Variants in MMP26 observed in about 807,000 individuals in gnomAD.
MMP26 encodes the protein matrix metalloproteinase-26.
Under a neutral mutation model 31.0 loss-of-function variants are expected in MMP26, and 33 were observed. That is an observed-to-expected ratio of 1.06 (90% CI 0.81 to 1.42). MMP26 has a LOEUF of 1.42. Ranked by LOEUF, MMP26 falls within the 40% of genes most tolerant of loss-of-function variation. The pLI, the probability that MMP26 is intolerant of heterozygous loss-of-function variation, is 0.00. For synonymous variants in MMP26, 122 were observed against 114.9 expected, an observed-to-expected ratio of 1.06 and a Z score of -0.40; for missense variants, 347 against 316.1, an observed-to-expected ratio of 1.10 and a Z score of -0.74.
chr11:4,988,115 C>A lies in MMP26; in HGVS notation c.-97C>A. 9.3e-7 allele frequency: 1 copy of A among 1,070,048 alleles called. No homozygotes were observed. Among genetic ancestry groups the A allele is most frequent in the South Asian group, 1.3e-5 (1 of 79,604 alleles). 66.3% of individuals were successfully genotyped at this position (1,070,048 alleles called of 1,614,324 possible). ...CAGATTCAAAGAAAGGGCAAACTGG[C>A]AGAGTGAGTCATTGGATGTTGCTGG... On this transcript the variant is annotated 5_prime_UTR_variant, in exon 3 of 8. Transcript: ENST00000380390.
intron 1 of MMP26, among the ~76,000 whole-genome samples, chr11:4,735,783 TA>T (rs78028003): frequency 0.065 from 9,882 of 152,006 alleles, 388 homozygotes; most frequent in Non-Finnish European, 0.095. Flanking sequence ...AATCAAAAAG[TA>T]AAAAACACTT....
Position 4,795,933 on chromosome 11 carries a change from G to T in MMP26, c.-145+28592G>T, listed in dbSNP as rs551432668. Among the ~76,000 whole-genome samples, 9 of 152,032 alleles carry T rather than the reference G, an allele frequency of 5.9e-5. No homozygotes were observed. The East Asian group carries it at 1.5e-3, about 26-fold the overall frequency. ...ATTTCTTTATAGCATCCTAAAGATG[G>T]TTTTCATGATTCTGCCTCTTTGAAC... On this transcript the variant is annotated intron_variant, in intron 2 of 7. Transcript: ENST00000380390.
Position 4,980,583 on chromosome 11 carries a change from C to A in MMP26, c.-144-7485C>A, listed in dbSNP as rs1009282232. On this transcript the variant is annotated intron_variant, in intron 2 of 7. Coordinates refer to ENST00000380390, the MANE Select transcript of MMP26 (RefSeq NM_021801.5). ...AAGGAAAAGTAAACTAATGAAAAAC[C>A]CAACGAAATAGTGAAAGCTGTGCAA... Among the ~76,000 whole-genome samples, 22 of 151,470 alleles carry A rather than the reference C, an allele frequency of 1.5e-4. 1 individual carries two copies. Among genetic ancestry groups the A allele is most frequent in the African/African-American group, 5.3e-4 (22 of 41,364 alleles).
intron 3 of MMP26, among the ~76,000 whole-genome samples, chr11:4,989,390 A>C (rs529835036): frequency 6.6e-6 from 1 of 152,100 alleles, no homozygotes; most frequent in South Asian, 2.1e-4. Context: ...CCATCCTAAA[A>C]CTTGGAAGCT....
intron 1 of MMP26, chr11:4,736,519 TCTTATTGTCAGAA>T (rs1848242774): frequency 1.3e-5 from 2 of 152,298 alleles, no homozygotes; most frequent in Admixed American, 6.5e-5. Context: ...ACACTGTTGA[TCTTATTGTCAGAA>T]CATGACAGCT....
At position 4,883,756 on chromosome 11, in the gene MMP26, A is replaced by G. The variant is rs577808687; in HGVS notation, c.-144-104312A>G. ...TGCACAGTAGCTTTGATGCTTTTGAATAGGAAATTTCTAGATTGCCTTTAT... is the reference window on the plus strand; with the variant it reads ...TGCACAGTAGCTTTGATGCTTTTGAGTAGGAAATTTCTAGATTGCCTTTAT... On this transcript the variant is annotated intron_variant, in intron 2 of 7. Transcript: ENST00000380390. 2.0e-5 allele frequency among the ~76,000 whole-genome samples: 3 copies of G among 152,254 alleles called. No homozygotes were observed. The East Asian group carries it at 5.8e-4, about 29-fold the overall frequency.
At chr11:4,968,536 T>C (rs200159484) in intron 2 of MMP26, among the ~76,000 whole-genome samples, 1 of 131,142 alleles carries the variant, frequency 7.6e-6, no homozygotes, top group East Asian at 2.1e-4. Flanking sequence ...TAAATAATTA[T>C]TTTCTTAAAA....
intron 1 of MMP26, among the ~76,000 whole-genome samples, chr11:4,715,518 A>G (rs994582804): frequency 2.0e-5 from 3 of 152,236 alleles, no homozygotes; most frequent in Non-Finnish European, 4.4e-5. Context: ...AGAGAACTAC[A>G]TGAATTAAGC....
intron 2 of MMP26, among the ~76,000 whole-genome samples, chr11:4,886,816 A>C (rs1474708086): frequency 6.6e-6 from 1 of 151,834 alleles, no homozygotes; most frequent in East Asian, 1.9e-4. Flanking sequence ...TTCCACAAGA[A>C]TTCCAGGGTT....
chr11:4,790,534 G>C (rs1035426718), intron 2 of MMP26, among the ~76,000 whole-genome samples: 3 of 152,120 alleles, frequency 2.0e-5, no homozygotes, highest in Non-Finnish European at 4.4e-5. Context: ...AAGAAGGTAT[G>C]TAATTGCTAT....
intron 2 of MMP26, chr11:4,848,792 G>A (rs754904389): frequency 9.9e-6 from 16 of 1,614,052 alleles, no homozygotes; most frequent in Non-Finnish European, 1.3e-5. Flanking sequence ...GCGCTGGGTA[G>A]TGGAGAGGTC....
chr11:4,991,873 G>A (rs1490713685), intron 6 of MMP26, 91 bp from the exon 7 acceptor site: 21 of 1,218,588 alleles, frequency 1.7e-5, no homozygotes, highest in Non-Finnish European at 2.2e-5. Flanking sequence ...CTCGTTTTCT[G>A]TTCTCTCCTT....
At chr11:4,992,190 T>TG (rs771304681) in intron 7 of MMP26, 24 bp from the exon 8 acceptor site, 7 of 1,439,796 alleles carry the variant, frequency 4.9e-6, no homozygotes, top group Admixed American at 2.3e-5. Context: ...AATTTACTGT[T>TG]GTTTTTTTTT....
intron 1 of MMP26, among the ~76,000 whole-genome samples, chr11:4,755,077 A>G (rs1368847297): frequency 6.6e-6 from 1 of 151,864 alleles, no homozygotes; most frequent in African/African-American, 2.4e-5. Context: ...GTTGATCACT[A>G]ATTTCTGTTT....
chr11:4,908,403 G>A, intron 2 of MMP26: 1 of 1,042,026 alleles, frequency 9.6e-7, no homozygotes, highest in Non-Finnish European at 1.5e-6. Flanking sequence ...ATGAAGGACT[G>A]GATGATGGAA....
intron 2 of MMP26, chr11:4,924,465 T>G (rs973634396): frequency 1.0e-6 from 1 of 960,656 alleles, no homozygotes; most frequent in Non-Finnish European, 1.5e-6. Flanking sequence ...GCAGATGGCA[T>G]AGGGGAGAAC....
At chr11:4,860,475 G>A (rs928488048) in intron 2 of MMP26, 5 of 459,816 alleles carry the variant, frequency 1.1e-5, no homozygotes, top group Admixed American at 9.5e-5. Flanking sequence ...CCAGGGGAAA[G>A]GCCAACCATG....
intron 1 of MMP26, among the ~76,000 whole-genome samples, chr11:4,754,469 AC>A (rs1405836027): frequency 1.3e-5 from 2 of 152,014 alleles, no homozygotes; most frequent in African/African-American, 4.8e-5. Flanking sequence ...AATAGTAAAT[AC>A]TTAAGATAAT....
At chr11:4,968,431 C>T (rs1846623849) in intron 2 of MMP26, among the ~76,000 whole-genome samples, 1 of 151,420 alleles carries the variant, frequency 6.6e-6, no homozygotes, top group African/African-American at 2.4e-5. Context: ...AATTCAAGAA[C>T]AAGAAGATTT....
Sources: gnomAD v4.1 joint callset for allele counts (sites outside exome capture counted in the v4.1 genomes callset) on GRCh38, gnomAD v4.1.1 for gene constraint, MANE v1.5 for transcripts, NCBI Gene and HGNC (gene_info 2026-07-23, HGNC 2026-07-21) for gene names.